UBE3C: variants seen among roughly 807,000 people sequenced by gnomAD.
UBE3C encodes ubiquitin-protein ligase E3C.
UBE3C carries 42 observed loss-of-function variants against 129.4 expected under a neutral mutation model. That is an observed-to-expected ratio of 0.32 (90% confidence interval 0.25 to 0.42). The LOEUF (loss-of-function observed/expected upper bound fraction) is 0.42, where lower values mean the gene tolerates loss of function less well. UBE3C is among the 10% of genes least tolerant of loss of function. UBE3C has a pLI of 1.00. For synonymous variants in UBE3C, 510 were observed against 492.4 expected, an observed-to-expected ratio of 1.04 and a Z score of -0.47; for missense variants, 1,049 against 1,319.1, an observed-to-expected ratio of 0.80 and a Z score of 3.17.
chr7:157,178,054 G>C (rs1009165486), intron 5 of UBE3C, among the ~76,000 whole-genome samples: 3 of 152,064 alleles, frequency 2.0e-5, no homozygotes, highest in African/African-American at 7.2e-5. Context: ...TTGGGGTGGG[G>C]GGAAAGAGGG....
chr7:157,181,784 T>C (rs1462013256), intron 7 of UBE3C, 113 bp downstream of exon 7: 2 of 1,367,796 alleles, frequency 1.5e-6, no homozygotes, highest in Admixed American at 2.5e-5. Flanking sequence ...GTTTTTACTT[T>C]ATTAGTGTTG....
chr7:157,184,114 G>A (rs558082258), intron 9 of UBE3C, 85 bp downstream of exon 9: 506 of 1,543,790 alleles, frequency 3.3e-4, no homozygotes, highest in Non-Finnish European at 3.9e-4. Flanking sequence ...CGTAGTTTCA[G>A]TTACACAAGT....
chr7:157,224,012 TG>T (rs1795806966), intron 16 of UBE3C, among the ~76,000 whole-genome samples: 1 of 151,950 alleles, frequency 6.6e-6, no homozygotes, highest in African/African-American at 2.4e-5. Flanking sequence ...TCAGAAACGA[TG>T]TTTTTTTTTT....
intron 18 of UBE3C, among the ~76,000 whole-genome samples, chr7:157,242,969 C>A (rs931389108): frequency 8.6e-5 from 13 of 151,944 alleles, no homozygotes; most frequent in African/African-American, 3.1e-4. Context: ...GTAGGAAAAT[C>A]GCTTGAAACC....
intron 17 of UBE3C, among the ~76,000 whole-genome samples, chr7:157,228,092 T>C (rs1033007138): frequency 5.3e-5 from 8 of 152,256 alleles, no homozygotes; most frequent in Non-Finnish European, 5.9e-5. Flanking sequence ...ACTAATGTGA[T>C]TATTCCACGT....
In UBE3C at chr7:157,139,213, G is replaced by T. The variant is rs182166882; in HGVS notation, c.-60G>T. 134,189 of 1,319,274 alleles carry T rather than the reference G, an allele frequency of 0.1. 7,292 individuals carry two copies. The highest frequency in any genetic ancestry group is 0.14 in the African/African-American group (9,376 of 65,118). The allele number at this position is 1,319,274 out of a possible 1,614,324, so 81.7% of individuals were successfully genotyped here. A position where few individuals can be genotyped will look rare whatever the true frequency, so the allele number is the denominator to read the frequency against. On this transcript the variant is annotated 5_prime_UTR_variant, in exon 1 of 23. Transcript: ENST00000348165. Reference sequence around the variant, plus strand: ...CCGAGAGCCTCCCAGCCCGCCCCGTGCCCCGCCCGCCCGGCTGCTTCCGCG... The same window carrying T: ...CCGAGAGCCTCCCAGCCCGCCCCGTTCCCCGCCCGCCCGGCTGCTTCCGCG...
At chr7:157,140,107 G>C in intron 1 of UBE3C, 1 of 901,018 alleles carries the variant, frequency 1.1e-6, no homozygotes, top group Non-Finnish European at 1.3e-6. Context: ...ACGGGCATCA[G>C]TTGGTTCACT....
At position 157,164,274 on chromosome 7, in the gene UBE3C, C is replaced by G. The variant is rs894869553; in HGVS notation, c.120+411C>G. The G allele has an allele frequency of 3.1e-5, 14 of 448,366 alleles. No individual in the cohort carries two copies. The Middle Eastern group carries it at 1.9e-3, about 62-fold the overall frequency. 27.8% of individuals were successfully genotyped at this position (448,366 alleles called of 1,614,324 possible). On this transcript the variant is annotated intron_variant, in intron 2 of 22. Transcript: ENST00000348165. ...TCCTGGGCTCGGTGATCTTCCTGCTCTAGCCTCCTGTAGCTGGGACTACAG... is the reference window on the plus strand; with the variant it reads ...TCCTGGGCTCGGTGATCTTCCTGCTGTAGCCTCCTGTAGCTGGGACTACAG...
In UBE3C at chr7:157,194,566, A is replaced by G. The variant is rs139454505; in HGVS notation, c.1332-7155A>G. ...CTGGAAGAATTCTGAGGCGCATGCC[A>G]GAAAGAAGCCAAATTGCCTTAAACA... On this transcript the variant is annotated intron_variant, in intron 10 of 22. Transcript: ENST00000348165. Among the ~76,000 whole-genome samples, 112 of 152,358 alleles carry G rather than the reference A, an allele frequency of 7.4e-4. 1 individual carries two copies. The East Asian group carries it at 0.013, about 17-fold the overall frequency.
At chr7:157,233,646 A>G (rs1425642850) in intron 18 of UBE3C, among the ~76,000 whole-genome samples, 1 of 152,216 alleles carries the variant, frequency 6.6e-6, no homozygotes, top group African/African-American at 2.4e-5. Flanking sequence ...GGGAATTTGC[A>G]TTGTTTCCAC....
intron 5 of UBE3C, among the ~76,000 whole-genome samples, chr7:157,178,336 C>T (rs182779627): frequency 5.3e-5 from 8 of 152,252 alleles, no homozygotes; most frequent in South Asian, 4.2e-4. Context: ...TAAAGAGATT[C>T]GTATCTGAGT....
intron 22 of UBE3C, among the ~76,000 whole-genome samples, chr7:157,259,417 C>T (rs543552737): frequency 6.6e-6 from 1 of 152,308 alleles, no homozygotes; most frequent in East Asian, 1.9e-4. Flanking sequence ...TGGGAGTGTA[C>T]AGATGGCAAC....
intron 18 of UBE3C, among the ~76,000 whole-genome samples, chr7:157,237,329 T>C (rs968390527): frequency 6.6e-6 from 1 of 152,034 alleles, no homozygotes; most frequent in Non-Finnish European, 1.5e-5. Flanking sequence ...TAGTCCCAGC[T>C]ACTCAGGAGG....
rs532334451 is a variant in UBE3C, at chr7:157,171,257, G to T, written c.342+807G>T. On this transcript the variant is annotated intron_variant, in intron 4 of 22. Transcript: ENST00000348165. ...CGGTGGTGTCTCAGCCACCTAAGTA[G>T]CTGGAATTACAGGCGTGTTACCAAC... Among the ~76,000 whole-genome samples, 27 of 152,096 alleles carry T rather than the reference G, an allele frequency of 1.8e-4. 1 individual carries two copies. In the South Asian group the frequency reaches 5.6e-3, roughly 32 times the overall value.
chr7:157,170,155 T>A, intron 3 of UBE3C, 149 bp from the exon 4 acceptor site: 2 of 578,166 alleles, frequency 3.5e-6, no homozygotes, highest in Non-Finnish European at 5.2e-6. Context: ...ATTTTTTTTC[T>A]ACAATTCAAC....
At chr7:157,231,356 C>T in intron 18 of UBE3C, 29 bp downstream of exon 18, 2 of 1,606,296 alleles carry the variant, frequency 1.2e-6, no homozygotes, top group South Asian at 2.2e-5. Context: ...AAAAATAGAC[C>T]TCGGACCAAA....
intron 8 of UBE3C, 82 bp downstream of exon 8, chr7:157,182,410 CAGGTGTTATGGAA>C: frequency 7.1e-7 from 1 of 1,413,892 alleles, no homozygotes; most frequent in Non-Finnish European, 9.7e-7. Context: ...CATGCAGTGG[CAGGTGTTATGGAA>C]AGGTGGGCCT....
chr7:157,170,159 A>G (rs1429600160), intron 3 of UBE3C, 145 bp from the exon 4 acceptor site: 25 of 723,606 alleles, frequency 3.5e-5, no homozygotes, highest in East Asian at 3.1e-5. Context: ...TTTTTCTACA[A>G]TTCAACTGTG....
intron 18 of UBE3C, among the ~76,000 whole-genome samples, chr7:157,243,683 G>A (rs1394520181): frequency 3.3e-5 from 5 of 152,172 alleles, no homozygotes; most frequent in Admixed American, 2.0e-4. Context: ...CAAGTGTTGC[G>A]GGAGTTGATG....
Sources: allele counts gnomAD v4.1 joint callset (sites outside exome capture counted in the v4.1 genomes callset), GRCh38; gene constraint gnomAD v4.1.1; transcripts MANE v1.5; gene names NCBI Gene and HGNC (gene_info 2026-07-23, HGNC 2026-07-21).